VWA2: variants seen among roughly 807,000 people sequenced by gnomAD.
VWA2 encodes von Willebrand factor A domain containing 2.
VWA2 carries 73 observed loss-of-function variants against 70.4 expected under a neutral mutation model. The observed-to-expected ratio is 1.04, with a 90% CI of 0.86 to 1.26. VWA2 has a LOEUF of 1.26. VWA2 is among the 50% of genes most tolerant of loss of function. The probability of loss-of-function intolerance (pLI) is 0.00; values close to 1 mark genes in which losing one functional copy is unlikely to be tolerated. For synonymous variants in VWA2, 407 were observed against 423.3 expected, an observed-to-expected ratio of 0.96 and a Z score of 0.47; for missense variants, 1,011 against 998.5, an observed-to-expected ratio of 1.01 and a Z score of -0.17.
intron 4 of VWA2, among the ~76,000 whole-genome samples, chr10:114,256,693 G>A (rs2037335546): frequency 6.6e-6 from 1 of 152,084 alleles, no homozygotes; most frequent in Non-Finnish European, 1.5e-5. Flanking sequence ...GGTGGATCAC[G>A]AGGTCAGGAG....
rs113299715 is a variant in VWA2, at chr10:114,285,803, C to T, written c.998-136C>T. 278 of 928,192 alleles carry T rather than the reference C, an allele frequency of 3.0e-4. 1 individual carries two copies. The African/African-American group carries it at 3.3e-3, about 11-fold the overall frequency. The allele number at this position is 928,192 out of a possible 1,614,324, so 57.5% of individuals were successfully genotyped here. On this transcript the variant is annotated intron_variant, in intron 10 of 13. Coordinates refer to ENST00000392982, the MANE Select transcript of VWA2 (RefSeq NM_001272046.2). ...CTTGTCTCTAACTCTGTGACGAGCA[C>T]GGGTCACTTAAGCTTGGGGGGCCCA...
chr10:114,255,499 G>GT (rs1446890906), intron 4 of VWA2, among the ~76,000 whole-genome samples: 2 of 152,168 alleles, frequency 1.3e-5, no homozygotes, highest in African/African-American at 4.8e-5. Flanking sequence ...GCTCTGCCAT[G>GT]TTTTTGGGGT....
chr10:114,269,651 A>G (rs2037663055), intron 5 of VWA2, among the ~76,000 whole-genome samples: 1 of 152,216 alleles, frequency 6.6e-6, no homozygotes, highest in East Asian at 1.9e-4. Flanking sequence ...GAAAGGAAAA[A>G]CAGTTTAATT....
At chr10:114,280,807 T>C (rs1309276387) in intron 8 of VWA2, 2 of 152,206 alleles carry the variant, frequency 1.3e-5, no homozygotes, top group African/African-American at 4.8e-5. Flanking sequence ...GGCAGAATCA[T>C]GGCTTGGTGC....
chr10:114,255,514 A>G (rs931726482), intron 4 of VWA2, among the ~76,000 whole-genome samples: 6 of 152,082 alleles, frequency 3.9e-5, no homozygotes, highest in Admixed American at 3.9e-4. Context: ...TGGGGTAGGG[A>G]GTAGATTTGA....
intron 6 of VWA2, among the ~76,000 whole-genome samples, chr10:114,277,273 TC>T (rs2037868164): frequency 7.5e-6 from 1 of 133,558 alleles, no homozygotes; most frequent in Non-Finnish European, 1.5e-5. Context: ...ATCCTCCACC[TC>T]CCAGGTTCAA....
chr10:114,261,699 A>G (rs1366582270), intron 5 of VWA2, among the ~76,000 whole-genome samples: 1 of 152,206 alleles, frequency 6.6e-6, no homozygotes, highest in Non-Finnish European at 1.5e-5. Flanking sequence ...TGGTCTAAAA[A>G]GAGTAAGTGC....
intron 7 of VWA2, among the ~76,000 whole-genome samples, chr10:114,278,305 C>A (rs926234619): frequency 1.3e-5 from 2 of 152,158 alleles, no homozygotes; most frequent in African/African-American, 4.8e-5. Context: ...GGTTCCCTGT[C>A]CCCTGCTCAA....
Position 114,248,915 on chromosome 10 carries a change from A to G in VWA2, c.52+150A>G, listed in dbSNP as rs151280900. 2.9e-3 allele frequency: 2,281 copies of G among 800,040 alleles called. 3 individuals carry two copies. Among genetic ancestry groups the G allele is most frequent in the Non-Finnish European group, 3.8e-3 (1,755 of 466,722 alleles). 49.6% of individuals were successfully genotyped at this position (800,040 alleles called of 1,614,324 possible). ...CCACCTCCCTAGTCCAAGCCATGTC[A>G]TCTTGTGCTTGGACCACTGCAGTAG... On this transcript the variant is annotated intron_variant, in intron 2 of 13. Transcript: ENST00000392982.
Position 114,253,941 on chromosome 10 carries a change from C to T in VWA2, c.127+216C>T, listed in dbSNP as rs575126477. 2.7e-4 allele frequency among the ~76,000 whole-genome samples: 41 copies of T among 151,720 alleles called. 1 individual carries two copies. The South Asian group carries it at 7.4e-3, about 27-fold the overall frequency. ...CCTGTAATTCCAGCTACTCGGGAGGCTGAGGCAGGAGAATTGCTTGAACCC... is the reference window on the plus strand; with the variant it reads ...CCTGTAATTCCAGCTACTCGGGAGGTTGAGGCAGGAGAATTGCTTGAACCC... On this transcript the variant is annotated intron_variant, in intron 3 of 13. Transcript: ENST00000392982.
rs374491884 is a variant in VWA2, at chr10:114,286,387, C to T, written c.1446C>T (p.Ala482=). ...TCCTGCTGGGTGTAGGCAGTGAGGC[C>T]GTGCGGGCAGAGCTGGAGGAGATCA... ...ELLLLGVGSE[A]VRAELEEITG... Residue 482 remains alanine, a synonymous_variant, in exon 11 of 14, where the codon GCC becomes GCT. Coordinates refer to ENST00000392982, the MANE Select transcript of VWA2 (RefSeq NM_001272046.2). 9.3e-6 allele frequency: 15 copies of T among 1,613,848 alleles called. No homozygotes were observed. Among genetic ancestry groups the T allele is most frequent in the Middle Eastern group, 1.7e-4 (1 of 6,060 alleles).
rs1004240054 is a variant in VWA2, at chr10:114,294,054, G to A, written c.*2817G>A. 3.9e-5 allele frequency among the ~76,000 whole-genome samples: 6 copies of A among 152,058 alleles called. No homozygotes were observed. The highest frequency in any genetic ancestry group is 1.4e-4 in the African/African-American group (6 of 41,410). Reference sequence around the variant, plus strand: ...TCTTCCTCAAGATAATGCATTTTTTGTATTATCTGTTAATGTGATAGGTTA... The same window carrying A: ...TCTTCCTCAAGATAATGCATTTTTTATATTATCTGTTAATGTGATAGGTTA... On this transcript the variant is annotated 3_prime_UTR_variant, in exon 14 of 14. Transcript: ENST00000392982.
Position 114,246,569 on chromosome 10 carries a change from G to T in VWA2, c.-10-2135G>T. 3 of 1,193,202 alleles carry T rather than the reference G, an allele frequency of 2.5e-6. No homozygotes were observed. The Admixed American group carries it at 5.1e-5, about 20-fold the overall frequency. The allele number at this position is 1,193,202 out of a possible 1,614,324, so 73.9% of individuals were successfully genotyped here. A position where few individuals can be genotyped will look rare whatever the true frequency, so the allele number is the denominator to read the frequency against. On this transcript the variant is annotated intron_variant, in intron 1 of 13. Coordinates refer to ENST00000392982, the MANE Select transcript of VWA2 (RefSeq NM_001272046.2). ...TTCACATTCCCTGACTGTAACAGAG[G>T]GACCCAGGACCTCATTTTAAGACTG...
intron 3 of VWA2, among the ~76,000 whole-genome samples, chr10:114,254,198 A>G (rs1050978486): frequency 7.2e-5 from 11 of 151,808 alleles, no homozygotes; most frequent in Non-Finnish European, 1.2e-4. Context: ...CAGCCTCCCA[A>G]ATAGCTGGGA....
At chr10:114,248,210 T>C (rs940526291) in intron 1 of VWA2, among the ~76,000 whole-genome samples, 4 of 152,198 alleles carry the variant, frequency 2.6e-5, no homozygotes, top group Non-Finnish European at 4.4e-5. Context: ...CTTCAGATGT[T>C]GTCTTCTTAG....
At chr10:114,271,494 G>A (rs2037708060) in intron 5 of VWA2, among the ~76,000 whole-genome samples, 1 of 152,122 alleles carries the variant, frequency 6.6e-6, no homozygotes, top group Admixed American at 6.5e-5. Flanking sequence ...CTGAGGGGAA[G>A]GTGGAACCAT....
chr10:114,260,027 C>G (rs1589749185), intron 4 of VWA2, among the ~76,000 whole-genome samples: 1 of 152,194 alleles, frequency 6.6e-6, no homozygotes. Flanking sequence ...CGAGGGAATT[C>G]AAGTGGGGAG....
At chr10:114,271,350 G>T (rs550242434) in intron 5 of VWA2, among the ~76,000 whole-genome samples, 1 of 152,318 alleles carries the variant, frequency 6.6e-6, no homozygotes, top group Non-Finnish European at 1.5e-5. Flanking sequence ...AAAGAAAACT[G>T]CCATTTAAGA....
chr10:114,258,146 A>G (rs771803968), intron 4 of VWA2, among the ~76,000 whole-genome samples: 1 of 152,182 alleles, frequency 6.6e-6, no homozygotes. Flanking sequence ...GCATGAGGGC[A>G]ATTTAAGATG....
Sources: gnomAD v4.1 joint callset for allele counts (sites outside exome capture counted in the v4.1 genomes callset) on GRCh38, gnomAD v4.1.1 for gene constraint, MANE v1.5 for transcripts, NCBI Gene and HGNC (gene_info 2026-07-23, HGNC 2026-07-21) for gene names.